The following SLC30A8 variants were observed in gnomAD, a reference collection of about 807,000 sequenced individuals.
SLC30A8 encodes the protein proton-coupled zinc antiporter SLC30A8.
SLC30A8 carries 27 observed loss-of-function variants against 36.9 expected under a neutral mutation model. The observed-to-expected ratio is 0.73, with a 90% CI of 0.54 to 1.01. SLC30A8 has a LOEUF of 1.01. SLC30A8 is among the 50% of genes least tolerant of loss of function. The pLI, the probability that SLC30A8 is intolerant of heterozygous loss-of-function variation, is 0.00. For synonymous variants in SLC30A8, 164 were observed against 172.4 expected, an observed-to-expected ratio of 0.95 and a Z score of 0.38; for missense variants, 439 against 452.0, an observed-to-expected ratio of 0.97 and a Z score of 0.26.
intron 1 of SLC30A8, among the ~76,000 whole-genome samples, chr8:116,981,880 G>A (rs889286331): frequency 1.3e-5 from 2 of 152,146 alleles, no homozygotes; most frequent in Admixed American, 1.3e-4. Flanking sequence ...ATGAACATAT[G>A]TGTGCATGTG....
chr8:116,958,885 T>C (rs986181963), intron 1 of SLC30A8, among the ~76,000 whole-genome samples: 5 of 122,682 alleles, frequency 4.1e-5, no homozygotes, highest in African/African-American at 6.3e-5. Flanking sequence ...AGAGTCTCAC[T>C]GTTGGCCATG....
intron 2 of SLC30A8, among the ~76,000 whole-genome samples, chr8:117,049,708 G>C (rs2130770027): frequency 6.6e-6 from 1 of 152,280 alleles, no homozygotes; most frequent in African/African-American, 2.4e-5. Context: ...TTCCTGAAAT[G>C]ATAGGTCTCT....
At chr8:117,047,270 C>T (rs952415571) in intron 2 of SLC30A8, among the ~76,000 whole-genome samples, 1 of 152,190 alleles carries the variant, frequency 6.6e-6, no homozygotes, top group South Asian at 2.1e-4. Flanking sequence ...AGGGTCGCAG[C>T]CTTGTCTTTG....
At chr8:117,066,606 G>T (rs1156953320) in intron 2 of SLC30A8, among the ~76,000 whole-genome samples, 1 of 152,138 alleles carries the variant, frequency 6.6e-6, no homozygotes, top group African/African-American at 2.4e-5. Flanking sequence ...GGGTGAATCA[G>T]AACATTATGA....
chr8:117,094,939 G>A (rs140899346), intron 2 of SLC30A8, among the ~76,000 whole-genome samples: 2,197 of 152,324 alleles, frequency 0.014, 45 homozygotes, highest in African/African-American at 0.048. Context: ...GTGTGTGCAC[G>A]CCTGGCCAGG....
chr8:117,176,096 A>G lies in SLC30A8; in HGVS notation c.*3415A>G, dbSNP rs1201467805. The G allele has an allele frequency of 6.6e-6, 1 of 152,068 alleles. No individual in the cohort carries two copies. Among genetic ancestry groups the G allele is most frequent in the Admixed American group, 6.6e-5 (1 of 15,238 alleles). The allele number at this position is 152,068 out of a possible 1,614,324, so 9.4% of individuals were successfully genotyped here. A position where few individuals can be genotyped will look rare whatever the true frequency, so the allele number is the denominator to read the frequency against. ...TGGCTTTTCTCTGTCATGTAGCCTC[A>G]ACTTTCTCTGACCGGGTGCATTTCT... On this transcript the variant is annotated 3_prime_UTR_variant, in exon 8 of 8. Transcript: ENST00000456015.
At chr8:117,107,333 A>G (rs1820037661) in intron 2 of SLC30A8, among the ~76,000 whole-genome samples, 2 of 152,204 alleles carry the variant, frequency 1.3e-5, no homozygotes, top group African/African-American at 4.8e-5. Context: ...ATAAAGTAAA[A>G]TTTAAAAATA....
In SLC30A8 at chr8:117,123,345, C is replaced by T. The variant is rs138163628; in HGVS notation, c.-225-11935C>T. The stretch of plus-strand genomic sequence containing the variant: ...TAGCTGATTTTATGCAGTGCATAAA[C>T]AGACATCAGAATGAGACTAATGGAT... On this transcript the variant is annotated intron_variant, in intron 2 of 10. Coordinates refer to the SLC30A8 transcript ENST00000427715. 6.3e-3 allele frequency among the ~76,000 whole-genome samples: 953 copies of T among 152,064 alleles called. 15 individuals carry two copies. The highest frequency in any genetic ancestry group is 0.022 in the African/African-American group (910 of 41,520).
intron 2 of SLC30A8, among the ~76,000 whole-genome samples, chr8:117,147,885 A>C (rs1821972029): frequency 6.6e-6 from 1 of 152,048 alleles, no homozygotes; most frequent in Non-Finnish European, 1.5e-5. Flanking sequence ...CTATTTTTGC[A>C]TGCTTATTAG....
At chr8:117,153,983 G>A (rs1306008536) in intron 3 of SLC30A8, among the ~76,000 whole-genome samples, 3 of 152,148 alleles carry the variant, frequency 2.0e-5, no homozygotes, top group Admixed American at 6.5e-5. Context: ...CAAATAACAT[G>A]TATGCACTAA....
intron 1 of SLC30A8, among the ~76,000 whole-genome samples, chr8:117,000,299 G>A (rs1258385638): frequency 3.3e-5 from 5 of 152,156 alleles, no homozygotes; most frequent in South Asian, 4.2e-4. Flanking sequence ...GGACCTGGGC[G>A]AGGGCAAACA....
chr8:117,034,075 C>T (rs951313622), intron 1 of SLC30A8, among the ~76,000 whole-genome samples: 1 of 152,148 alleles, frequency 6.6e-6, no homozygotes, highest in African/African-American at 2.4e-5. Flanking sequence ...AACAGTGTTT[C>T]CTCCTAGAAA....
At chr8:117,032,841 G>C (rs1289503153) in intron 1 of SLC30A8, among the ~76,000 whole-genome samples, 1 of 152,020 alleles carries the variant, frequency 6.6e-6, no homozygotes, top group Non-Finnish European at 1.5e-5. Flanking sequence ...AATGAGCTGA[G>C]GTTGCGCCAT....
intron 1 of SLC30A8, among the ~76,000 whole-genome samples, chr8:116,974,902 T>A (rs1814930857): frequency 6.6e-6 from 1 of 152,010 alleles, no homozygotes; most frequent in Non-Finnish European, 1.5e-5. Context: ...TGGATGAAGC[T>A]GGAAACCATT....
rs1821315721 is a variant in SLC30A8 at position 117,135,393 on chromosome 8, A to G, written c.66A>G (p.Leu22=). Residue 22 remains leucine, a synonymous_variant, in exon 1 of 8, where the codon CTA becomes CTG. Coordinates refer to ENST00000456015, the MANE Select transcript of SLC30A8 (RefSeq NM_173851.3). ...DKAAKMYAFT[L]ESVELQQKPV... ...CTGCCAAGATGTATGCTTTCACACTAGAAAGGTAATAGATGTCTGTGTCTG... is the reference window on the plus strand; with the variant it reads ...CTGCCAAGATGTATGCTTTCACACTGGAAAGGTAATAGATGTCTGTGTCTG... The G allele has an allele frequency of 6.3e-7, 1 of 1,593,312 alleles. No homozygotes were observed. The highest frequency in any genetic ancestry group is 8.6e-7 in the Non-Finnish European group (1 of 1,167,394).
chr8:117,169,623 T>G (rs1823263160), intron 6 of SLC30A8, among the ~76,000 whole-genome samples: 1 of 152,110 alleles, frequency 6.6e-6, no homozygotes, highest in African/African-American at 2.4e-5. Context: ...ATAAGGTTAA[T>G]TGGCTCATGG....
At chr8:117,163,368 A>T in intron 5 of SLC30A8, 57 bp from the exon 6 acceptor site, 1 of 1,325,614 alleles carries the variant, frequency 7.5e-7, no homozygotes, top group Non-Finnish European at 1.1e-6. Context: ...TATTAATCAG[A>T]CTTTCTGAAA....
chr8:117,014,841 G>A (rs746142148), intron 1 of SLC30A8, among the ~76,000 whole-genome samples: 11 of 152,100 alleles, frequency 7.2e-5, no homozygotes, highest in Admixed American at 6.6e-5. Flanking sequence ...GTGGGAGAGG[G>A]ATGGATTTGA....
intron 1 of SLC30A8, among the ~76,000 whole-genome samples, chr8:117,136,073 A>C (rs186452546): frequency 2.6e-5 from 4 of 152,098 alleles, no homozygotes; most frequent in Non-Finnish European, 5.9e-5. Context: ...TACATATTAG[A>C]ACTAGGCAAT....
Sources: gnomAD v4.1 joint callset for allele counts (sites outside exome capture counted in the v4.1 genomes callset) on GRCh38, gnomAD v4.1.1 for gene constraint, MANE v1.5 for transcripts, NCBI Gene and HGNC (gene_info 2026-07-23, HGNC 2026-07-21) for gene names.